Variants in PRR16 observed in about 807,000 individuals in gnomAD.
PRR16 encodes proline rich 16.
In PRR16, 6 loss-of-function variants were observed where a neutral mutation model predicts 18.2. The observed-to-expected ratio is 0.33, with a 90% CI of 0.18 to 0.65. PRR16 has a LOEUF of 0.65. Among genes scored for constraint, PRR16 ranks in the 30% least tolerant of loss-of-function variants. The probability of loss-of-function intolerance (pLI) is 0.74; values close to 1 mark genes in which losing one functional copy is unlikely to be tolerated. For missense variants in PRR16, 412 were observed against 376.6 expected (o/e 1.09, Z -0.78); for synonymous variants, 151 against 147.8 (o/e 1.02, Z -0.16).
intron 1 of PRR16, among the ~76,000 whole-genome samples, chr5:120,592,597 G>A (rs1021796431): frequency 3.3e-5 from 5 of 152,088 alleles, no homozygotes; most frequent in Non-Finnish European, 5.9e-5. Flanking sequence ...AAATACAACT[G>A]CTTTACACAT....
chr5:120,582,702 A>G (rs1524567), intron 1 of PRR16, among the ~76,000 whole-genome samples: 75,505 of 151,588 alleles, frequency 0.5, 19,324 homozygotes, highest in African/African-American at 0.6. Flanking sequence ...CTTTCGTAAT[A>G]GTAATATTTA....
chr5:120,689,595 G>C (rs1001150556), downstream of PRR16, among the ~76,000 whole-genome samples: 2 of 152,076 alleles, frequency 1.3e-5, no homozygotes, highest in African/African-American at 2.4e-5. Flanking sequence ...TTATCACAGA[G>C]CCAGCCTTCA....
At chr5:120,589,372 C>T (rs1164752104) in intron 1 of PRR16, among the ~76,000 whole-genome samples, 1 of 152,062 alleles carries the variant, frequency 6.6e-6, no homozygotes, top group East Asian at 1.9e-4. Flanking sequence ...TTAACATTTG[C>T]TATAACATAG....
the PRR16 span, among the ~76,000 whole-genome samples, chr5:120,716,341 C>T: frequency 6.6e-6 from 1 of 152,072 alleles, no homozygotes; most frequent in African/African-American, 2.4e-5. Context: ...TTGTTTTTAA[C>T]TCTTCTCATT....
the PRR16 span, among the ~76,000 whole-genome samples, chr5:120,708,425 G>A: frequency 1.3e-5 from 2 of 152,116 alleles, no homozygotes; most frequent in African/African-American, 2.4e-5. Context: ...TTTTATAATA[G>A]CAGTAATGAG....
chr5:120,588,977 TC>T (rs1252136385), intron 1 of PRR16, among the ~76,000 whole-genome samples: 3 of 152,096 alleles, frequency 2.0e-5, no homozygotes, highest in African/African-American at 7.2e-5. Flanking sequence ...GGCAGAAAAG[TC>T]CTAGTAAACT....
intron 1 of PRR16, among the ~76,000 whole-genome samples, chr5:120,563,200 A>G (rs1427633067): frequency 6.6e-6 from 1 of 152,200 alleles, no homozygotes; most frequent in African/African-American, 2.4e-5. Context: ...ATCTGAAGCC[A>G]GAAGAGCACT....
At chr5:120,473,760 G>A (rs529941027) in intron 1 of PRR16, among the ~76,000 whole-genome samples, 2 of 152,264 alleles carry the variant, frequency 1.3e-5, no homozygotes, top group South Asian at 2.1e-4. Flanking sequence ...AGTGGATGGG[G>A]AGGGTAGGGA....
At chr5:120,687,372 A>G (rs542333285), downstream of PRR16, 70 of 152,348 alleles carry the variant, frequency 4.6e-4, no homozygotes, top group African/African-American at 1.6e-3. Flanking sequence ...ACATTCCTCA[A>G]TATGGGCAGC....
At chr5:120,741,105 TA>T in the PRR16 span, among the ~76,000 whole-genome samples, 13 of 152,022 alleles carry the variant, frequency 8.6e-5, no homozygotes, top group Non-Finnish European at 1.5e-5. Context: ...GCTGCAAACA[TA>T]AATGGCATAT....
chr5:120,498,155 G>C (rs7728098), intron 1 of PRR16, among the ~76,000 whole-genome samples: 4 of 150,670 alleles, frequency 2.7e-5, no homozygotes, highest in Non-Finnish European at 5.9e-5. Context: ...ATTTTTAGAA[G>C]TTTATTTTTA....
rs551081501 is a variant in PRR16, at chr5:120,508,959, G to C, written c.159+44314G>C. ...TATATAACCTGTAACTTTTAGTTGG[G>C]TGAGGGGGGGGATAGTAAAGATAAT... On this transcript the variant is annotated intron_variant, in intron 1 of 1. Transcript: ENST00000407149. Among the ~76,000 whole-genome samples, 134 of 152,152 alleles carry C rather than the reference G, an allele frequency of 8.8e-4. 1 individual carries two copies. The highest frequency in any genetic ancestry group is 2.9e-3 in the African/African-American group (122 of 41,524).
At chr5:120,671,998 C>A (rs1382373625) in intron 1 of PRR16, among the ~76,000 whole-genome samples, 1 of 152,140 alleles carries the variant, frequency 6.6e-6, no homozygotes, top group East Asian at 1.9e-4. Context: ...ATTTATTCAA[C>A]ATATATTCTT....
At chr5:120,473,665 C>T (rs561241533) in intron 1 of PRR16, among the ~76,000 whole-genome samples, 4 of 152,242 alleles carry the variant, frequency 2.6e-5, no homozygotes, top group African/African-American at 9.6e-5. Flanking sequence ...TAGTGTTTAA[C>T]ACCTACTGTA....
intron 1 of PRR16, among the ~76,000 whole-genome samples, chr5:120,570,442 ATAATG>A (rs1400243381): frequency 1.3e-5 from 2 of 152,190 alleles, no homozygotes; most frequent in African/African-American, 4.8e-5. Flanking sequence ...GGCCAGATGT[ATAATG>A]TAGGGACCTA....
intron 1 of PRR16, chr5:120,481,083 C>T: frequency 8.6e-7 from 1 of 1,167,836 alleles, no homozygotes; most frequent in Non-Finnish European, 1.1e-6. Flanking sequence ...CCATCTAATT[C>T]CCTTTGATAT....
intron 1 of PRR16, among the ~76,000 whole-genome samples, chr5:120,641,944 A>T (rs942629447): frequency 6.6e-6 from 1 of 151,992 alleles, no homozygotes; most frequent in Admixed American, 6.6e-5. Context: ...CCTCAAACCT[A>T]CTGCTCTTTA....
chr5:120,588,717 T>A (rs1010338082), intron 1 of PRR16, among the ~76,000 whole-genome samples: 2 of 152,200 alleles, frequency 1.3e-5, no homozygotes, highest in African/African-American at 4.8e-5. Flanking sequence ...CCTATATTTG[T>A]AAATTATATG....
chr5:120,664,636 T>C (rs1296034744), intron 1 of PRR16, among the ~76,000 whole-genome samples: 3 of 151,672 alleles, frequency 2.0e-5, no homozygotes, highest in Non-Finnish European at 2.9e-5. Flanking sequence ...GTCCCCAGAG[T>C]GTGATGTTCC....
Sources: gnomAD v4.1 joint callset for allele counts (sites outside exome capture counted in the v4.1 genomes callset) on GRCh38, gnomAD v4.1.1 for gene constraint, MANE v1.5 for transcripts, NCBI Gene and HGNC (gene_info 2026-07-23, HGNC 2026-07-21) for gene names.